LRRC4C: variants seen among roughly 807,000 people sequenced by gnomAD.
The protein encoded by LRRC4C is leucine-rich repeat-containing protein 4C.
In LRRC4C, 5 loss-of-function variants were observed where a neutral mutation model predicts 33.6. The ratio of observed to expected loss-of-function variants is 0.15; its 90% CI spans 0.08 to 0.31. The LOEUF is 0.31. Among genes scored for constraint, LRRC4C ranks in the 10% least tolerant of loss-of-function variants. The pLI, the probability that LRRC4C is intolerant of heterozygous loss-of-function variation, is 1.00. For missense variants in LRRC4C, 560 were observed against 796.7 expected, an observed-to-expected ratio of 0.70 and a Z score of 3.58; for synonymous variants, 329 against 302.0, an observed-to-expected ratio of 1.09 and a Z score of -0.93.
At chr11:40,501,353 G>A (rs894582719) in intron 3 of LRRC4C, among the ~76,000 whole-genome samples, 1 of 152,188 alleles carries the variant, frequency 6.6e-6, no homozygotes, top group African/African-American at 2.4e-5. Flanking sequence ...CCCCAGTGGG[G>A]ACTCTGTGTG....
At chr11:40,958,364 T>C (rs1382004981) in intron 1 of LRRC4C, among the ~76,000 whole-genome samples, 1 of 151,782 alleles carries the variant, frequency 6.6e-6, no homozygotes, top group Non-Finnish European at 1.5e-5. Context: ...TGAATGTAAA[T>C]TATATGTGTT....
intron 2 of LRRC4C, among the ~76,000 whole-genome samples, chr11:40,848,161 G>A (rs1295788735): frequency 6.6e-6 from 1 of 151,404 alleles, no homozygotes; most frequent in Non-Finnish European, 1.5e-5. Context: ...ATTCTGCTCT[G>A]ATCTTAGTTA....
chr11:41,185,886 A>G (rs1041282096), intron 1 of LRRC4C, among the ~76,000 whole-genome samples: 4 of 152,064 alleles, frequency 2.6e-5, no homozygotes, highest in Non-Finnish European at 4.4e-5. Flanking sequence ...AAAAGAAAAA[A>G]AGATGTAAAT....
At chr11:40,669,299 A>G (rs1943964600) in intron 2 of LRRC4C, among the ~76,000 whole-genome samples, 2 of 152,222 alleles carry the variant, frequency 1.3e-5, no homozygotes, top group Non-Finnish European at 2.9e-5. Flanking sequence ...TCTATTTATT[A>G]AAGCAACAAT....
intron 2 of LRRC4C, among the ~76,000 whole-genome samples, chr11:40,926,321 A>G (rs1957405401): frequency 6.6e-6 from 1 of 152,174 alleles, no homozygotes; most frequent in African/African-American, 2.4e-5. Flanking sequence ...GACATGATGC[A>G]GCTAAGGACA....
intron 5 of LRRC4C, among the ~76,000 whole-genome samples, chr11:40,230,080 C>T (rs1170649237): frequency 6.6e-6 from 1 of 152,142 alleles, no homozygotes; most frequent in East Asian, 1.9e-4. Context: ...CTCTGAGATT[C>T]ATAGCTCAGA....
intron 1 of LRRC4C, among the ~76,000 whole-genome samples, chr11:41,101,383 A>C (rs1743123327): frequency 6.6e-6 from 1 of 152,200 alleles, no homozygotes; most frequent in Non-Finnish European, 1.5e-5. Context: ...TGTGGGCAAC[A>C]AGCGTATGAA....
intron 4 of LRRC4C, among the ~76,000 whole-genome samples, chr11:40,271,503 C>A (rs1184753864): frequency 6.6e-6 from 1 of 152,150 alleles, no homozygotes; most frequent in African/African-American, 2.4e-5. Flanking sequence ...GGTTAGCATA[C>A]CACATAGCAG....
chr11:41,342,777 G>A (rs1401563679), intron 1 of LRRC4C, among the ~76,000 whole-genome samples: 1 of 152,046 alleles, frequency 6.6e-6, no homozygotes, highest in Non-Finnish European at 1.5e-5. Context: ...TCATAAACAA[G>A]CCTCACCCCA....
At chr11:40,490,689 G>A (rs1954104622) in intron 3 of LRRC4C, among the ~76,000 whole-genome samples, 1 of 152,114 alleles carries the variant, frequency 6.6e-6, no homozygotes, top group South Asian at 2.1e-4. Context: ...GGGAATAATA[G>A]TAAGCATGGA....
chr11:41,423,081 T>A (rs1427492211), intron 1 of LRRC4C, among the ~76,000 whole-genome samples: 2 of 152,148 alleles, frequency 1.3e-5, no homozygotes, highest in African/African-American at 4.8e-5. Context: ...CACAGTGTAA[T>A]GATACCCAGT....
intron 2 of LRRC4C, among the ~76,000 whole-genome samples, chr11:40,669,697 G>T (rs1459488272): frequency 6.6e-6 from 1 of 152,136 alleles, no homozygotes; most frequent in African/African-American, 2.4e-5. Context: ...TCAGACTGAG[G>T]CCTCACATTT....
chr11:40,976,690 G>A (rs1247562009), intron 1 of LRRC4C, among the ~76,000 whole-genome samples: 1 of 151,866 alleles, frequency 6.6e-6, no homozygotes, highest in Non-Finnish European at 1.5e-5. Context: ...GGTCATGAAG[G>A]CAAAACAATA....
intron 1 of LRRC4C, among the ~76,000 whole-genome samples, chr11:41,382,765 C>A (rs996175869): frequency 6.6e-6 from 1 of 151,978 alleles, no homozygotes; most frequent in African/African-American, 2.4e-5. Context: ...GGATGGCTAA[C>A]TAGTAGAAAG....
At chr11:41,007,538 A>G (rs550336530) in intron 1 of LRRC4C, among the ~76,000 whole-genome samples, 1 of 152,254 alleles carries the variant, frequency 6.6e-6, no homozygotes, top group Non-Finnish European at 1.5e-5. Flanking sequence ...TTTCTCCTAT[A>G]GATGAACACC....
At chr11:40,454,223 G>T (rs1297632819) in intron 3 of LRRC4C, among the ~76,000 whole-genome samples, 6 of 150,932 alleles carry the variant, frequency 4.0e-5, no homozygotes, top group Non-Finnish European at 4.4e-5. Context: ...ACAGTTGTAA[G>T]GTAGGTGTCA....
At chr11:41,081,730 T>TACACACAGGC (rs545418345) in intron 1 of LRRC4C, among the ~76,000 whole-genome samples, 5 of 152,052 alleles carry the variant, frequency 3.3e-5, no homozygotes, top group Non-Finnish European at 7.4e-5. Flanking sequence ...CACACACAGA[T>TACACACAGGC]ACACACAGGC....
chr11:40,282,847 G>T lies in LRRC4C; in HGVS notation c.-176+36781C>A, dbSNP rs141317742. Among the ~76,000 whole-genome samples the T allele has an allele frequency of 2.6e-5, 4 of 152,288 alleles. No individual in the cohort carries two copies. The East Asian group carries it at 7.7e-4, about 29-fold the overall frequency. ...TATATCCATGAATGTATGTATGCCT[G>T]GCTCCCACAAAGCCAGGTGTTCACA... On this transcript the variant is annotated intron_variant, in intron 4 of 6. Transcript: ENST00000528697.
At chr11:40,948,103 A>G (rs999704371) in intron 1 of LRRC4C, among the ~76,000 whole-genome samples, 2 of 152,082 alleles carry the variant, frequency 1.3e-5, no homozygotes, top group African/African-American at 4.8e-5. Flanking sequence ...AAATGGCTCA[A>G]AGGAAGCCTG....
Sources: gnomAD v4.1 joint callset for allele counts (sites outside exome capture counted in the v4.1 genomes callset) on GRCh38, gnomAD v4.1.1 for gene constraint, MANE v1.5 for transcripts, NCBI Gene and HGNC (gene_info 2026-07-23, HGNC 2026-07-21) for gene names.